XPO4: variants seen among roughly 807,000 people sequenced by gnomAD.
XPO4 encodes exportin-4.
XPO4 carries 39 observed loss-of-function variants against 143.0 expected under a neutral mutation model. The ratio of observed to expected loss-of-function variants is 0.27; its 90% CI spans 0.21 to 0.36. The LOEUF is 0.36. XPO4 is among the 10% of genes least tolerant of loss of function. The pLI, the probability that XPO4 is intolerant of heterozygous loss-of-function variation, is 1.00. For missense variants in XPO4, 907 were observed against 1,348.0 expected (o/e 0.67, Z 5.12); for synonymous variants, 439 against 474.0 (o/e 0.93, Z 0.96).
intron 2 of XPO4, chr13:20,866,180 G>GAAGTGTTAAGAGCACTTC (rs1392501697): frequency 1.0e-6 from 1 of 985,178 alleles, no homozygotes; most frequent in Non-Finnish European, 1.2e-6. Context: ...CTGAAGTGAA[G>GAAGTGTTAAGAGCACTTC]AAGTCTAAAA....
intron 3 of XPO4, among the ~76,000 whole-genome samples, chr13:20,857,409 C>G (rs2060154230): frequency 6.6e-6 from 1 of 152,130 alleles, no homozygotes; most frequent in Admixed American, 6.6e-5. Context: ...CATGATACTA[C>G]TACTATTATT....
At chr13:20,852,852 T>C (rs1250224422) in intron 4 of XPO4, 3 of 984,548 alleles carry the variant, frequency 3.0e-6, no homozygotes, top group East Asian at 1.1e-4. Flanking sequence ...TAACAGAAAA[T>C]ATAAATTGTT....
chr13:20,857,536 G>C (rs907779429), intron 3 of XPO4, among the ~76,000 whole-genome samples: 1 of 151,966 alleles, frequency 6.6e-6, no homozygotes, highest in African/African-American at 2.4e-5. Context: ...GACCATCCTG[G>C]CTAACACGGT....
At chr13:20,847,026 A>C (rs969417702) in intron 4 of XPO4, among the ~76,000 whole-genome samples, 1 of 152,198 alleles carries the variant, frequency 6.6e-6, no homozygotes, top group Non-Finnish European at 1.5e-5. Flanking sequence ...ATTCAATAGG[A>C]TATTTTCATC....
chr13:20,871,616 T>C (rs1012146332), intron 1 of XPO4, among the ~76,000 whole-genome samples: 1 of 152,242 alleles, frequency 6.6e-6, no homozygotes, highest in Non-Finnish European at 1.5e-5. Flanking sequence ...ATACTACCCA[T>C]GTTATACTGC....
intron 2 of XPO4, 148 bp downstream of exon 2, chr13:20,868,448 C>A (rs1326707388): frequency 1.6e-6 from 2 of 1,220,640 alleles, no homozygotes; most frequent in Non-Finnish European, 2.1e-6. Context: ...ATCTTTAAAG[C>A]TACTCCAGTA....
At chr13:20,784,058 A>G in intron 22 of XPO4, 139 bp from the exon 23 acceptor site, 2 of 778,322 alleles carry the variant, frequency 2.6e-6, no homozygotes, top group Non-Finnish European at 2.1e-6. Context: ...TCAGCATTTA[A>G]GTACTACTGT....
At position 20,787,528 on chromosome 13, in the gene XPO4, G is replaced by C; in HGVS notation, c.3118C>G (p.Gln1040Glu). The C allele has an allele frequency of 1.9e-6, 3 of 1,614,240 alleles. No individual in the cohort carries two copies. The highest frequency in any genetic ancestry group is 1.6e-4 in the Middle Eastern group (1 of 6,062). The change falls in exon 21 of 23, where the codon CAA becomes GAA. Residue 1040 changes from glutamine (Q) to glutamate (E), a missense_variant. Physicochemically the swap from Gln to Glu is conservative, Grantham distance 29. Coordinates refer to ENST00000255305, the MANE Select transcript of XPO4 (RefSeq NM_022459.5). The stretch of plus-strand genomic sequence containing the variant: ...AGAAAAAGTGGTGAGTCTGTTTCTT[G>C]TGCTTTTGCACACTGTTCAGCTAAC... ...TPLAEQCAKAQETDSPLFLAT... is the reference protein window; with the variant it reads ...TPLAEQCAKAEETDSPLFLAT...
intron 3 of XPO4, among the ~76,000 whole-genome samples, chr13:20,861,082 T>C (rs2060192721): frequency 6.6e-6 from 1 of 152,194 alleles, no homozygotes; most frequent in African/African-American, 2.4e-5. Context: ...GTATGTTTAT[T>C]GCCATTAATC....
chr13:20,850,714 A>G (rs2060076159), intron 4 of XPO4: 1 of 802,598 alleles, frequency 1.2e-6, no homozygotes, highest in East Asian at 1.3e-4. Context: ...GCAGTGAGTT[A>G]TGAACATGTC....
intron 4 of XPO4, chr13:20,851,103 GACT>G: frequency 1.0e-6 from 1 of 985,116 alleles, no homozygotes; most frequent in South Asian, 4.7e-5. Flanking sequence ...TTATATCTGA[GACT>G]ATGAAAACAT....
intron 22 of XPO4, among the ~76,000 whole-genome samples, 186 bp from the exon 23 acceptor site, chr13:20,784,105 T>A (rs2059171522): frequency 6.6e-6 from 1 of 152,162 alleles, no homozygotes; most frequent in African/African-American, 2.4e-5. Flanking sequence ...CATCTATCAT[T>A]TACAACAATG....
At chr13:20,849,042 G>GA in intron 4 of XPO4, 1 of 985,420 alleles carries the variant, frequency 1.0e-6, no homozygotes, top group Non-Finnish European at 1.2e-6. Flanking sequence ...ATGCCCTTCA[G>GA]AGATAGCTTG....
rs748511693 is a variant in XPO4 at position 20,808,387 on chromosome 13, TAA to T, written c.1639+47_1639+48del. The T allele has an allele frequency of 2.0e-6, 3 of 1,475,054 alleles. No individual in the cohort carries two copies. The African/African-American group carries it at 4.1e-5, about 20-fold the overall frequency. The allele number at this position is 1,475,054 out of a possible 1,614,324, so 91.4% of individuals were successfully genotyped here. Reference sequence around the variant, plus strand: ...CATATAGGAAGCTTCTTTTAAGGCTTAAATTGCTCAGTTGGCAATTACATTTT... The same window carrying T: ...CATATAGGAAGCTTCTTTTAAGGCTTATTGCTCAGTTGGCAATTACATTTT... On this transcript the variant is annotated intron_variant, in intron 12 of 22. Transcript: ENST00000255305.
intron 1 of XPO4, among the ~76,000 whole-genome samples, chr13:20,899,125 A>T (rs1028614822): frequency 7.9e-5 from 12 of 152,146 alleles, no homozygotes; most frequent in Admixed American, 6.6e-4. Context: ...GGGGGGACTT[A>T]AGTATCAATG....
At chr13:20,812,702 A>G (rs1006822258) in intron 9 of XPO4, among the ~76,000 whole-genome samples, 2 of 152,206 alleles carry the variant, frequency 1.3e-5, no homozygotes, top group African/African-American at 4.8e-5. Context: ...AGTTACTAAT[A>G]ATATGCCAAA....
intron 1 of XPO4, among the ~76,000 whole-genome samples, chr13:20,891,723 C>T (rs1258429045): frequency 1.3e-5 from 2 of 151,646 alleles, no homozygotes; most frequent in African/African-American, 2.4e-5. Context: ...AATAGCCAGG[C>T]GTGGCAGCGT....
chr13:20,833,793 A>G (rs2059881613), intron 6 of XPO4, among the ~76,000 whole-genome samples: 1 of 152,122 alleles, frequency 6.6e-6, no homozygotes, highest in Non-Finnish European at 1.5e-5. Context: ...AAGAGAGAGG[A>G]CCCAGGCAGA....
At chr13:20,899,711 A>C (rs1298704769) in intron 1 of XPO4, among the ~76,000 whole-genome samples, 1 of 152,222 alleles carries the variant, frequency 6.6e-6, no homozygotes, top group Non-Finnish European at 1.5e-5. Flanking sequence ...CCATAAAACA[A>C]CTATATGAGT....
Sources: allele counts gnomAD v4.1 joint callset (sites outside exome capture counted in the v4.1 genomes callset), GRCh38; gene constraint gnomAD v4.1.1; transcripts MANE v1.5; gene names NCBI Gene and HGNC (gene_info 2026-07-23, HGNC 2026-07-21).